PAM: variants seen among roughly 807,000 people sequenced by gnomAD.
PAM encodes the protein peptidylglycine alpha-amidating monooxygenase, also known as peptidyl-glycine alpha-amidating monooxygenase.
A neutral mutation model predicts 122.1 loss-of-function variants in PAM; 72 were observed. The ratio of observed to expected loss-of-function variants is 0.59; its 90% CI spans 0.49 to 0.72. PAM has a LOEUF of 0.72. PAM is among the 30% of genes least tolerant of loss of function. PAM has a pLI of 0.00. For synonymous variants in PAM, 389 were observed against 404.4 expected (o/e 0.96, Z 0.46); for missense variants, 1,106 against 1,183.7 (o/e 0.93, Z 0.96).
At chr5:102,823,154 T>A (rs1180782995) in intron 1 of PAM, among the ~76,000 whole-genome samples, 1 of 152,180 alleles carries the variant, frequency 6.6e-6, no homozygotes, top group Non-Finnish European at 1.5e-5. Flanking sequence ...TGAGGGAGCC[T>A]GAATCCCCTT....
intron 3 of PAM, among the ~76,000 whole-genome samples, chr5:102,881,238 G>A (rs1790955848): frequency 6.6e-6 from 1 of 151,342 alleles, no homozygotes; most frequent in African/African-American, 2.4e-5. Flanking sequence ...AAAATACTAT[G>A]TATATAAAGA....
chr5:102,900,260 G>GGGGT (rs1797388405), intron 3 of PAM, among the ~76,000 whole-genome samples: 2 of 119,502 alleles, frequency 1.7e-5, no homozygotes, highest in African/African-American at 6.7e-5. Flanking sequence ...TGTGTGGGGG[G>GGGGT]GGGGCGGGGG....
intron 4 of PAM, among the ~76,000 whole-genome samples, chr5:102,901,640 T>C (rs970581370): frequency 1.3e-5 from 2 of 151,614 alleles, no homozygotes; most frequent in Admixed American, 6.6e-5. Context: ...AGGAGTTGCA[T>C]GCAGATGTTG....
In PAM at chr5:103,025,269, T is replaced by G. The variant is rs745384454; in HGVS notation, c.2624T>G (p.Ile875Ser). The change falls in exon 24 of 26, where the codon ATT becomes AGT. Residue 875 changes from isoleucine to serine, a missense_variant. Ile to Ser is a moderately radical substitution (Grantham distance 142). Transcript: ENST00000438793. Reference sequence around the variant, plus strand: ...GTTCTCATTACAACCCTTCTGGTTATTCCGGTGGTTGTCCTGCTGGCCATT... The same window carrying G: ...GTTCTCATTACAACCCTTCTGGTTAGTCCGGTGGTTGTCCTGCTGGCCATT... ...PVVLITTLLV[I>S]PVVVLLAIAI... 3 of 1,613,852 alleles carry G rather than the reference T, an allele frequency of 1.9e-6. No homozygotes were observed. Among genetic ancestry groups the G allele is most frequent in the Non-Finnish European group, 2.5e-6 (3 of 1,179,776 alleles).
At chr5:102,807,366 G>T (rs1218129172) in intron 1 of PAM, among the ~76,000 whole-genome samples, 1 of 152,206 alleles carries the variant, frequency 6.6e-6, no homozygotes, top group Non-Finnish European at 1.5e-5. Flanking sequence ...CTGAATGTGG[G>T]TCACAGAGGC....
chr5:103,005,326 T>A (rs987330042), intron 18 of PAM, 100 bp downstream of exon 18: 1 of 742,498 alleles, frequency 1.3e-6, no homozygotes, highest in Non-Finnish European at 2.4e-6. Flanking sequence ...TGTTTTTTCT[T>A]CTGTCACCCA....
chr5:102,898,808 GCTAT>G (rs1380091674), intron 3 of PAM, among the ~76,000 whole-genome samples: 2 of 151,600 alleles, frequency 1.3e-5, no homozygotes, highest in Non-Finnish European at 3.0e-5. Flanking sequence ...CCTTTTAACA[GCTAT>G]CTTTCCATAG....
At chr5:102,783,723 G>A (rs1018729024) in intron 1 of PAM, among the ~76,000 whole-genome samples, 2 of 152,184 alleles carry the variant, frequency 1.3e-5, no homozygotes, top group Admixed American at 6.5e-5. Context: ...TGTGCATGCA[G>A]CAGTATGAGG....
At chr5:102,826,064 T>C (rs6880688) in intron 1 of PAM, among the ~76,000 whole-genome samples, 1 of 152,160 alleles carries the variant, frequency 6.6e-6, no homozygotes, top group Non-Finnish European at 1.5e-5. Flanking sequence ...GCAAACTGAT[T>C]GTTAACAAAG....
At chr5:102,986,168 G>GAAT (rs964823735) in intron 15 of PAM, among the ~76,000 whole-genome samples, 8 of 152,246 alleles carry the variant, frequency 5.3e-5, no homozygotes, top group African/African-American at 1.7e-4. Flanking sequence ...TTAAGAAGTG[G>GAAT]AATAAGACAA....
chr5:102,948,238 A>G (rs1757644262), intron 8 of PAM, 140 bp from the exon 9 acceptor site: 1 of 534,432 alleles, frequency 1.9e-6, no homozygotes. Flanking sequence ...TTAAGGAAGA[A>G]AAATTTTTCC....
At chr5:102,881,709 G>A (rs1229773865) in intron 3 of PAM, among the ~76,000 whole-genome samples, 2 of 150,280 alleles carry the variant, frequency 1.3e-5, no homozygotes, top group Admixed American at 6.6e-5. Flanking sequence ...TTTTCAATAG[G>A]TTTTGGGGGA....
At chr5:102,767,915 A>G (rs1444567404) in intron 1 of PAM, among the ~76,000 whole-genome samples, 1 of 152,140 alleles carries the variant, frequency 6.6e-6, no homozygotes, top group African/African-American at 2.4e-5. Flanking sequence ...GCCCAAGGTC[A>G]TATAGGTTGT....
chr5:102,769,006 C>T (rs1315046091), intron 1 of PAM, among the ~76,000 whole-genome samples: 4 of 152,094 alleles, frequency 2.6e-5, no homozygotes, highest in African/African-American at 4.8e-5. Flanking sequence ...TCCTCACCAG[C>T]GTTTGTTACT....
At chr5:102,863,729 G>T (rs1320576123) in intron 1 of PAM, among the ~76,000 whole-genome samples, 1 of 145,876 alleles carries the variant, frequency 6.9e-6, no homozygotes. Context: ...AATAAAATTT[G>T]ATTATTATAT....
chr5:102,854,020 A>G (rs1311450383), intron 1 of PAM, among the ~76,000 whole-genome samples: 2 of 152,304 alleles, frequency 1.3e-5, no homozygotes, highest in East Asian at 3.9e-4. Flanking sequence ...AAGTTGGTAG[A>G]TCCTGCCTTG....
At chr5:102,828,762 T>C (rs1774427868) in intron 1 of PAM, among the ~76,000 whole-genome samples, 1 of 152,198 alleles carries the variant, frequency 6.6e-6, no homozygotes. Context: ...AGCTGTGGCC[T>C]TGGTAAGAGT....
chr5:102,784,350 G>A (rs542270371), intron 1 of PAM, among the ~76,000 whole-genome samples: 25 of 152,216 alleles, frequency 1.6e-4, no homozygotes, highest in African/African-American at 5.3e-4. Flanking sequence ...GCTAGAATGC[G>A]CTTTTCAGTT....
At chr5:102,795,217 A>G (rs568950974) in intron 1 of PAM, among the ~76,000 whole-genome samples, 1 of 145,414 alleles carries the variant, frequency 6.9e-6, no homozygotes, top group East Asian at 2.1e-4. Flanking sequence ...AAAAAAGAAG[A>G]GAAGAAAAAG....
Sources: allele counts gnomAD v4.1 joint callset (sites outside exome capture counted in the v4.1 genomes callset), GRCh38; gene constraint gnomAD v4.1.1; transcripts MANE v1.5; gene names NCBI Gene and HGNC (gene_info 2026-07-23, HGNC 2026-07-21).